Variants in WNT5A observed in about 807,000 individuals in gnomAD.
The protein encoded by WNT5A is protein Wnt-5a.
A neutral mutation model predicts 42.1 loss-of-function variants in WNT5A; 9 were observed. The ratio of observed to expected loss-of-function variants is 0.21; its 90% confidence interval spans 0.13 to 0.37. WNT5A has a LOEUF of 0.37. Ranked by LOEUF, WNT5A falls within the 10% of genes least tolerant of loss-of-function variation. WNT5A has a pLI of 1.00. For missense variants in WNT5A, 426 were observed against 534.0 expected, an observed-to-expected ratio of 0.80 and a Z score of 1.99; for synonymous variants, 210 against 210.0, an observed-to-expected ratio of 1.00 and a Z score of 0.00.
intron 1 of WNT5A, among the ~76,000 whole-genome samples, chr3:55,486,488 T>C (rs2051581435): frequency 6.6e-6 from 1 of 152,222 alleles, no homozygotes; most frequent in Non-Finnish European, 1.5e-5. Flanking sequence ...TACGCCGCTC[T>C]GGAGTAGTTG....
At chr3:55,501,658 T>C in the WNT5A span, 1 of 152,362 alleles carries the variant, frequency 6.6e-6, no homozygotes, top group African/African-American at 2.4e-5. Flanking sequence ...CTGTGTACTT[T>C]TAACAGTAGG....
chr3:55,487,545 T>A (rs1469089486), upstream of WNT5A: 1 of 153,232 alleles, frequency 6.5e-6, no homozygotes, highest in Non-Finnish European at 1.5e-5. Context: ...TTCTGCAAAC[T>A]CTTGGCGGCT....
In WNT5A at chr3:55,467,255, T is replaced by C. The variant is rs375617350; in HGVS notation, c.*2837A>G. The stretch of plus-strand genomic sequence containing the variant: ...ATAAAAGCATGTGCCTTTTCATTCT[T>C]CTCTGGGATGTTACAACAGCAACAC... On this transcript the variant is annotated 3_prime_UTR_variant, in exon 5 of 5. Transcript: ENST00000264634. 33 of 152,586 alleles carry C rather than the reference T, an allele frequency of 2.2e-4. No homozygotes were observed. The highest frequency in any genetic ancestry group is 7.5e-4 in the African/African-American group (31 of 41,444). 9.5% of individuals were successfully genotyped at this position (152,586 alleles called of 1,614,324 possible). A position where few individuals can be genotyped will look rare whatever the true frequency, so the allele number is the denominator to read the frequency against.
At chr3:55,496,685 G>A in the WNT5A span, among the ~76,000 whole-genome samples, 2 of 152,128 alleles carry the variant, frequency 1.3e-5, no homozygotes, top group East Asian at 1.9e-4. Context: ...GAACATAAGC[G>A]CCTTCCCTCT....
intron 2 of WNT5A, among the ~76,000 whole-genome samples, chr3:55,479,779 G>C (rs1221840910): frequency 3.3e-5 from 5 of 152,046 alleles, no homozygotes; most frequent in African/African-American, 1.2e-4. Flanking sequence ...CTGCCATCTG[G>C]CTCCTCAGTT....
In WNT5A at chr3:55,474,315, G is replaced by A. The variant is rs757017143; in HGVS notation, c.684+22C>T. Reference sequence around the variant, plus strand: ...AGGTGAGAAGACAGAGATGCGGGGCGGGGGCGAGACGCGGCACTCACCCTG... The same window carrying A: ...AGGTGAGAAGACAGAGATGCGGGGCAGGGGCGAGACGCGGCACTCACCCTG... On this transcript the variant is annotated intron_variant, in intron 4 of 4. Transcript: ENST00000264634. 4.3e-6 allele frequency: 7 copies of A among 1,612,220 alleles called. No homozygotes were observed. In the African/African-American group the frequency reaches 5.3e-5, roughly 12 times the overall value.
At chr3:55,472,610 C>A (rs918458971) in intron 4 of WNT5A, among the ~76,000 whole-genome samples, 21 of 152,074 alleles carry the variant, frequency 1.4e-4, no homozygotes, top group African/African-American at 5.1e-4. Context: ...GACACCATGG[C>A]AGTGAGAGGC....
At chr3:55,493,038 C>T (rs898448134), upstream of WNT5A, among the ~76,000 whole-genome samples, 5 of 152,194 alleles carry the variant, frequency 3.3e-5, no homozygotes, top group East Asian at 9.6e-4. Flanking sequence ...CTGGCTTTGA[C>T]GTCTCTGCTT....
intron 1 of WNT5A, among the ~76,000 whole-genome samples, 200 bp downstream of exon 1, chr3:55,486,780 T>G (rs1316618250): frequency 6.6e-6 from 1 of 152,138 alleles, no homozygotes; most frequent in Non-Finnish European, 1.5e-5. Context: ...CGACCAGAAG[T>G]GATCTCCTGG....
At chr3:55,489,291 GCGCACA>G (rs1268496436), upstream of WNT5A, 3 of 61,652 alleles carry the variant, frequency 4.9e-5, no homozygotes, top group African/African-American at 2.1e-4. Flanking sequence ...ACACACACGC[GCGCACA>G]CACACACACA....
intron 1 of WNT5A, among the ~76,000 whole-genome samples, chr3:55,486,148 C>T: frequency 6.6e-6 from 1 of 152,176 alleles, no homozygotes; most frequent in South Asian, 2.1e-4. Context: ...GCAAACTGGC[C>T]CCCGCCTGCT....
intron 1 of WNT5A, among the ~76,000 whole-genome samples, chr3:55,481,580 G>C (rs1364786068): frequency 2.6e-5 from 4 of 152,166 alleles, no homozygotes; most frequent in African/African-American, 9.7e-5. Context: ...ATCAGTTTAC[G>C]AGCCGATGTG....
Position 55,487,159 on chromosome 3 carries a change from C to G in WNT5A, c.-174G>C. On this transcript the variant is annotated 5_prime_UTR_variant, in exon 1 of 5. Transcript: ENST00000264634. ...CGGAGCTGAAGCGGGCACTGGCGCC[C>G]GGGCCTGGACTCCCGAGTTGGGGCA... The G allele has an allele frequency of 1.7e-6, 1 of 595,018 alleles. No individual in the cohort carries two copies. The highest frequency in any genetic ancestry group is 2.0e-5 in the South Asian group (1 of 49,770). 36.9% of individuals were successfully genotyped at this position (595,018 alleles called of 1,614,324 possible). A position where few individuals can be genotyped will look rare whatever the true frequency, so the allele number is the denominator to read the frequency against.
chr3:55,481,024 TTGAC>T (rs1243251263), intron 1 of WNT5A, 106 bp from the exon 2 acceptor site: 4 of 1,182,076 alleles, frequency 3.4e-6, no homozygotes, highest in African/African-American at 3.1e-5. Context: ...TTACTGTTGA[TTGAC>T]TGCGCTTCTC....
chr3:55,488,771 C>G (rs1482386940), upstream of WNT5A, among the ~76,000 whole-genome samples: 2 of 152,340 alleles, frequency 1.3e-5, no homozygotes, highest in African/African-American at 4.8e-5. Flanking sequence ...CCAACTTCCC[C>G]GCCTGGACCC....
At chr3:55,480,446 A>G (rs546621094) in intron 2 of WNT5A, among the ~76,000 whole-genome samples, 8 of 152,196 alleles carry the variant, frequency 5.3e-5, no homozygotes, top group Admixed American at 6.5e-5. Context: ...GAGGTGGCAA[A>G]AAGTAAATTT....
chr3:55,474,487 G>C lies in WNT5A; in HGVS notation c.534C>G (p.Leu178=), dbSNP rs763352483. The part of the protein sequence containing the change: ...ARPKDLPRDW[L]WGGCGDNIDY... ...CGATGTTGTCGCCGCAGCCGCCCCA[G>C]AGCCAGTCCCGCGGCAGGTCCTTGG... The change falls in exon 4 of 5, where the codon CTC becomes CTG. Residue 178 remains leucine, a synonymous_variant. Transcript: ENST00000264634. 28 of 1,598,766 alleles carry C rather than the reference G, an allele frequency of 1.8e-5. No homozygotes were observed. The highest frequency in any genetic ancestry group is 2.2e-5 in the South Asian group (2 of 88,976).
chr3:55,493,369 C>A (rs995402157), upstream of WNT5A, among the ~76,000 whole-genome samples: 2 of 152,224 alleles, frequency 1.3e-5, no homozygotes, highest in Non-Finnish European at 2.9e-5. Context: ...TCCCTTCTGA[C>A]CAGTCACCCT....
At chr3:55,484,380 G>A (rs1432240670) in intron 1 of WNT5A, among the ~76,000 whole-genome samples, 2 of 152,204 alleles carry the variant, frequency 1.3e-5, no homozygotes, top group Middle Eastern at 3.2e-3. Context: ...CTTTAGGGGA[G>A]CAGACAAAGG....
Sources: allele counts gnomAD v4.1 joint callset (sites outside exome capture counted in the v4.1 genomes callset), GRCh38; gene constraint gnomAD v4.1.1; transcripts MANE v1.5; gene names NCBI Gene and HGNC (gene_info 2026-07-23, HGNC 2026-07-21).